Variants in RAB28 observed in about 807,000 individuals in gnomAD.
RAB28 encodes the protein RAB28, member RAS oncogene family.
Under a neutral mutation model 31.7 loss-of-function variants are expected in RAB28, and 24 were observed. That is an observed-to-expected ratio of 0.76 (90% CI 0.55 to 1.06). The LOEUF (loss-of-function observed/expected upper bound fraction) is 1.06. RAB28 is among the 50% of genes least tolerant of loss of function. RAB28 has a pLI of 0.00. For synonymous variants in RAB28, 100 were observed against 90.4 expected (o/e 1.11, Z -0.60); for missense variants, 254 against 258.5 (o/e 0.98, Z 0.12).
intron 6 of RAB28, among the ~76,000 whole-genome samples, chr4:13,373,881 C>T (rs1047008920): frequency 6.6e-6 from 1 of 151,850 alleles, no homozygotes; most frequent in Admixed American, 6.6e-5. Context: ...TCCCTTGAAT[C>T]CCCCCAGTAA....
chr4:13,394,631 G>A (rs1024918548), intron 4 of RAB28, among the ~76,000 whole-genome samples: 2 of 152,122 alleles, frequency 1.3e-5, no homozygotes, highest in African/African-American at 4.8e-5. Flanking sequence ...GGACAGGGAT[G>A]AAAACCTGGA....
intron 4 of RAB28, among the ~76,000 whole-genome samples, chr4:13,402,952 C>A (rs903742600): frequency 6.6e-6 from 1 of 152,112 alleles, no homozygotes. Context: ...TGCCACTGCA[C>A]CCGGATAATT....
chr4:13,371,305 C>T, intron 6 of RAB28: 1 of 985,180 alleles, frequency 1.0e-6, no homozygotes, highest in Non-Finnish European at 1.2e-6. Context: ...TCGGGGGGTA[C>T]ATCAGTGAAA....
chr4:13,458,890 TA>T (rs1345219099), intron 4 of RAB28, among the ~76,000 whole-genome samples: 2 of 152,212 alleles, frequency 1.3e-5, no homozygotes, highest in Non-Finnish European at 2.9e-5. Context: ...TGGTAAATAT[TA>T]AGTGTCAACT....
chr4:13,398,777 CAAAA>C (rs869245506), intron 4 of RAB28, among the ~76,000 whole-genome samples: 1 of 74,794 alleles, frequency 1.3e-5, no homozygotes, highest in Non-Finnish European at 3.0e-5. Context: ...GACTCCGTTT[CAAAA>C]AAAAAAAAAA....
chr4:13,483,295 T>A (rs1448233550), intron 1 of RAB28, among the ~76,000 whole-genome samples: 1 of 152,118 alleles, frequency 6.6e-6, no homozygotes, highest in Non-Finnish European at 1.5e-5. Context: ...CACGCCCGCA[T>A]TCATTCATTC....
At position 13,368,582 on chromosome 4, in the gene RAB28, TC is replaced by T; in HGVS notation, c.641del (p.Arg214LysfsTer16). On this transcript the variant is annotated frameshift_variant, in exon 7 of 7. Transcript: ENST00000330852. LOFTEE classifies it high-confidence loss of function. The stretch of plus-strand genomic sequence containing the variant: ...CTCACTGAACTGCACACATAGAGCT[TC>T]TAGGAGGGTTAACAGTCCTTGACAT... Reference protein sequence around the residue: ...EPMSRTVNPPRSSMCAVQ With the variant: ...EPMSRTVNPPXSSMCAVQ 1 of 1,612,228 alleles carries T rather than the reference TC, an allele frequency of 6.2e-7. No homozygotes were observed.
At chr4:13,425,694 TG>T (rs1713441241) in intron 4 of RAB28, among the ~76,000 whole-genome samples, 1 of 152,228 alleles carries the variant, frequency 6.6e-6, no homozygotes, top group Non-Finnish European at 1.5e-5. Context: ...GCAAAGTTCT[TG>T]GCTTTTCTAG....
chr4:13,387,411 G>A (rs774514143), intron 4 of RAB28, among the ~76,000 whole-genome samples: 2 of 152,016 alleles, frequency 1.3e-5, no homozygotes, highest in South Asian at 2.1e-4. Context: ...TCACATATTA[G>A]GGAAAAACAT....
intron 4 of RAB28, among the ~76,000 whole-genome samples, chr4:13,394,119 CAG>C (rs1363246088): frequency 2.6e-5 from 4 of 152,022 alleles, no homozygotes; most frequent in Non-Finnish European, 5.9e-5. Context: ...AAGAGAGTAA[CAG>C]AGTGAAAGAG....
chr4:13,371,109 T>G (rs1487155403), intron 6 of RAB28: 1 of 985,318 alleles, frequency 1.0e-6, no homozygotes, highest in Non-Finnish European at 1.2e-6. Context: ...TAAATAAAGA[T>G]CCTATAAACA....
intron 3 of RAB28, among the ~76,000 whole-genome samples, chr4:13,471,375 T>G (rs1163347177): frequency 6.6e-6 from 1 of 152,134 alleles, no homozygotes; most frequent in African/African-American, 2.4e-5. Context: ...TCACAGCTTC[T>G]CTAGCCTGGA....
At chr4:13,404,729 G>T (rs2108903428) in intron 4 of RAB28, among the ~76,000 whole-genome samples, 1 of 152,214 alleles carries the variant, frequency 6.6e-6, no homozygotes, top group Middle Eastern at 3.4e-3. Flanking sequence ...TGGTAGGGAG[G>T]AAGTTGGAAT....
At chr4:13,380,416 C>T (rs2108881548) in intron 5 of RAB28, among the ~76,000 whole-genome samples, 1 of 152,004 alleles carries the variant, frequency 6.6e-6, no homozygotes, top group Middle Eastern at 3.4e-3. Context: ...TGATACATGA[C>T]TATTAGCACT....
chr4:13,396,625 A>C (rs1441865224), intron 4 of RAB28, among the ~76,000 whole-genome samples: 4 of 152,056 alleles, frequency 2.6e-5, no homozygotes, highest in African/African-American at 7.2e-5. Context: ...ATGAAGAAAA[A>C]AGTTCTCATC....
chr4:13,460,789 A>C lies in RAB28; in HGVS notation c.301T>G (p.Phe101Val), dbSNP rs1178147123. 6.2e-7 allele frequency: 1 copy of C among 1,613,758 alleles called. No individual in the cohort carries two copies. Among genetic ancestry groups the C allele is most frequent in the South Asian group, 1.1e-5 (1 of 91,082 alleles). The change falls in exon 4 of 7, where the codon TTT becomes GTT. Residue 101 changes from phenylalanine (F) to valine (V), a missense_variant. Physicochemically the swap from Phe to Val is conservative, Grantham distance 50. Coordinates refer to ENST00000330852, the MANE Select transcript of RAB28 (RefSeq NM_001017979.3). ...GTATACCAATCTTCTAAATTCTCAA[A>C]GCTTTGATAATTTGTAATATCATAT... ...LVYDITNYQS[F>V]ENLEDWYTVV...
chr4:13,473,967 C>G, intron 3 of RAB28: 1 of 368,508 alleles, frequency 2.7e-6, no homozygotes, highest in South Asian at 2.1e-5. Flanking sequence ...ATTTTCATCC[C>G]TGTGTTTTTC....
chr4:13,418,311 C>A (rs1334731956), intron 4 of RAB28, among the ~76,000 whole-genome samples: 3 of 152,090 alleles, frequency 2.0e-5, no homozygotes, highest in Non-Finnish European at 4.4e-5. Context: ...AGAATGGAAC[C>A]AAGTTAGAAA....
At chr4:13,478,022 A>G (rs544899352) in intron 2 of RAB28, among the ~76,000 whole-genome samples, 1 of 150,986 alleles carries the variant, frequency 6.6e-6, no homozygotes, top group African/African-American at 2.4e-5. Context: ...TTAAGCATCA[A>G]AACAAAATAG....
Sources: allele counts gnomAD v4.1 joint callset (sites outside exome capture counted in the v4.1 genomes callset), GRCh38; gene constraint gnomAD v4.1.1; transcripts MANE v1.5; gene names NCBI Gene and HGNC (gene_info 2026-07-23, HGNC 2026-07-21).